The following CREBBP variants were observed in gnomAD, a reference collection of about 807,000 sequenced individuals.
CREBBP encodes the protein CREB-binding protein.
A neutral mutation model predicts 265.0 loss-of-function variants in CREBBP; 19 were observed. That is an observed-to-expected ratio of 0.07 (90% CI 0.05 to 0.11). CREBBP has a LOEUF of 0.11. Ranked by LOEUF, CREBBP falls within the 10% of genes least tolerant of loss-of-function variation. The pLI is 1.00. For synonymous variants in CREBBP, 1,457 were observed against 1,223.7 expected, an observed-to-expected ratio of 1.19 and a Z score of -3.98; for missense variants, 2,525 against 3,219.0, an observed-to-expected ratio of 0.78 and a Z score of 5.22.
At chr16:3,757,662 A>G (rs1349282475) in intron 18 of CREBBP, 147 bp downstream of exon 18, 4 of 1,214,518 alleles carry the variant, frequency 3.3e-6, no homozygotes, top group African/African-American at 1.5e-5. Flanking sequence ...ATCACCCATC[A>G]CATCGCTTCA....
At position 3,728,213 on chromosome 16, in the gene CREBBP, C is replaced by T. The variant is rs372866305; in HGVS notation, c.6834G>A (p.Gly2278=). The T allele has an allele frequency of 1.9e-6, 3 of 1,613,480 alleles. No homozygotes were observed. In the African/African-American group the frequency reaches 4.0e-5, roughly 22 times the overall value. Residue 2278 remains glycine, a synonymous_variant, in exon 31 of 31, where the codon GGG becomes GGA. Transcript: ENST00000262367. The surrounding 1 kb of genome is among the most constrained non-coding windows in gnomAD (Gnocchi z 8.7). ...MGQLGQMGQP[G]LGADSTPNIQ... ...TGTTGGGGGTGCTGTCTGCCCCCAGCCCCGGCTGCCCCATCTGGCCAAGCT... is the reference window on the plus strand; with the variant it reads ...TGTTGGGGGTGCTGTCTGCCCCCAGTCCCGGCTGCCCCATCTGGCCAAGCT...
chr16:3,738,090 T>A (rs1053861287), intron 26 of CREBBP, among the ~76,000 whole-genome samples: 1 of 152,012 alleles, frequency 6.6e-6, no homozygotes, highest in Admixed American at 6.6e-5. Flanking sequence ...CCGGCCTTTT[T>A]TTTAATTTTT....
At chr16:3,849,794 G>A (rs1245823260) in intron 2 of CREBBP, among the ~76,000 whole-genome samples, 2 of 152,032 alleles carry the variant, frequency 1.3e-5, no homozygotes, top group East Asian at 3.9e-4. Context: ...GACCCCACTT[G>A]AAGAACCACT....
chr16:3,737,652 CAG>C (rs1341449920), intron 26 of CREBBP, among the ~76,000 whole-genome samples: 2 of 151,998 alleles, frequency 1.3e-5, no homozygotes, highest in African/African-American at 4.8e-5. Flanking sequence ...TTAGTACAGA[CAG>C]GGTTTCACCA....
intron 2 of CREBBP, among the ~76,000 whole-genome samples, chr16:3,842,967 CAAAAAAAAA>C (rs59990532): frequency 7.7e-5 from 5 of 65,214 alleles, no homozygotes; most frequent in African/African-American, 1.9e-4. Context: ...ACTCCCATCT[CAAAAAAAAA>C]AAAAAAAAAA....
rs1468269404 is a variant in CREBBP, at chr16:3,850,615, C to T, written c.480G>A (p.Gly160=). 3 of 1,614,232 alleles carry T rather than the reference C, an allele frequency of 1.9e-6. No homozygotes were observed. The South Asian group carries it at 3.3e-5, about 18-fold the overall frequency. The change falls in exon 2 of 31, where the codon GGG becomes GGA. Residue 160 remains glycine, a synonymous_variant. Coordinates refer to ENST00000262367, the MANE Select transcript of CREBBP (RefSeq NM_004380.3). ...ACGTGGCAGGGCTGCTAGTCGCCAG[C>T]CCCACTTGCTTTTGTGCTTGCGGAT... The part of the protein sequence containing the change: ...ALNPQAQKQV[G]LATSSPATSQ...
intron 3 of CREBBP, among the ~76,000 whole-genome samples, chr16:3,805,586 A>G (rs2053812788): frequency 6.6e-6 from 1 of 152,228 alleles, no homozygotes; most frequent in Admixed American, 6.5e-5. Flanking sequence ...GCTTAACCCT[A>G]TGCAGCCAGT....
intron 19 of CREBBP, among the ~76,000 whole-genome samples, chr16:3,756,173 C>T (rs1181287228): frequency 8.5e-5 from 13 of 152,104 alleles, no homozygotes; most frequent in African/African-American, 2.9e-4. Context: ...TAATAAAAAA[C>T]GCCAAACCCC....
intron 19 of CREBBP, among the ~76,000 whole-genome samples, chr16:3,757,035 C>CT (rs200241989): frequency 2.1e-3 from 311 of 151,668 alleles, no homozygotes; most frequent in African/African-American, 6.9e-3. Context: ...CACTTTTTCT[C>CT]TTTTTTTTTC....
At chr16:3,820,027 T>C (rs1364076292) in intron 2 of CREBBP, among the ~76,000 whole-genome samples, 2 of 152,140 alleles carry the variant, frequency 1.3e-5, no homozygotes, top group Non-Finnish European at 2.9e-5. Context: ...CACAAATTCA[T>C]ATAAGGTGTA....
intron 28 of CREBBP, among the ~76,000 whole-genome samples, chr16:3,732,554 TAAC>T (rs1184502984): frequency 1.3e-5 from 2 of 152,180 alleles, no homozygotes; most frequent in Non-Finnish European, 2.9e-5. Flanking sequence ...ACTTACACTT[TAAC>T]AGAGAGCTTT....
At chr16:3,783,643 G>A (rs1038426969) in intron 5 of CREBBP, among the ~76,000 whole-genome samples, 3 of 152,176 alleles carry the variant, frequency 2.0e-5, no homozygotes, top group Non-Finnish European at 4.4e-5. Flanking sequence ...GTGAGGCTTC[G>A]CAATTCTGCA....
intron 16 of CREBBP, among the ~76,000 whole-genome samples, chr16:3,759,638 TA>T (rs1196813915): frequency 6.7e-6 from 1 of 149,336 alleles, no homozygotes; most frequent in Non-Finnish European, 1.5e-5. Context: ...ATCCTCTGAG[TA>T]AAGTTTTTTA....
intron 5 of CREBBP, among the ~76,000 whole-genome samples, chr16:3,790,687 T>C (rs1180110423): frequency 6.6e-6 from 1 of 152,168 alleles, no homozygotes; most frequent in East Asian, 1.9e-4. Flanking sequence ...TTGTGGTTCT[T>C]CTGTAGGGAG....
At chr16:3,777,909 G>C in intron 10 of CREBBP, 102 bp downstream of exon 10, 9 of 1,365,506 alleles carry the variant, frequency 6.6e-6, no homozygotes, top group Non-Finnish European at 9.4e-6. Flanking sequence ...TGCAGGGCAT[G>C]CATCAGATAT....
chr16:3,726,425 TC>T lies in CREBBP; in HGVS notation c.*1292del, dbSNP rs1208277556. The T allele has an allele frequency of 0.27, 379 of 1,394 alleles. 1 individual carries two copies. Among genetic ancestry groups the T allele is most frequent in the Middle Eastern group, 0.38 (3 of 8 alleles). The allele number at this position is 1,394 out of a possible 1,614,324, so 0.1% of individuals were successfully genotyped here. A position where few individuals can be genotyped will look rare whatever the true frequency, so the allele number is the denominator to read the frequency against. ...GCCAACGCTGAGCCGCCCACCTCAG[TC>T]GCCCACCTCAGTCTCCGGGAAGAAA... On this transcript the variant is annotated 3_prime_UTR_variant, in exon 31 of 31. Coordinates refer to ENST00000262367, the MANE Select transcript of CREBBP (RefSeq NM_004380.3).
At chr16:3,798,254 C>T (rs1193801282) in intron 3 of CREBBP, among the ~76,000 whole-genome samples, 2 of 152,220 alleles carry the variant, frequency 1.3e-5, no homozygotes, top group Non-Finnish European at 2.9e-5. Context: ...AATAAATCTT[C>T]ACGACCTTGG....
In CREBBP at chr16:3,819,178, T is replaced by C. The variant is rs192824014; in HGVS notation, c.799-8399A>G. Among the ~76,000 whole-genome samples the C allele has an allele frequency of 1.9e-4, 29 of 152,370 alleles. No homozygotes were observed. The East Asian group carries it at 4.0e-3, about 21-fold the overall frequency. The stretch of plus-strand genomic sequence containing the variant: ...ACAGCCACAAATACAATTTCATCCA[T>C]AGAGGCAACATGCCATTGCGGTCAA... On this transcript the variant is annotated intron_variant, in intron 2 of 30. Transcript: ENST00000262367.
chr16:3,798,032 T>C (rs10454706), intron 3 of CREBBP, among the ~76,000 whole-genome samples: 61,967 of 151,856 alleles, frequency 0.41, 14,979 homozygotes, highest in Non-Finnish European at 0.55. Context: ...AAACGACAAA[T>C]ACAAAAATGT....
Sources: gnomAD v4.1 joint callset for allele counts (sites outside exome capture counted in the v4.1 genomes callset) on GRCh38, gnomAD v4.1.1 for gene constraint, Gnocchi (gnomAD v3.1) non-coding constraint, MANE v1.5 for transcripts, NCBI Gene and HGNC (gene_info 2026-07-23, HGNC 2026-07-21) for gene names.